CNTN4: variants seen among roughly 807,000 people sequenced by gnomAD.
The protein encoded by CNTN4 is contactin-4.
A neutral mutation model predicts 122.5 loss-of-function variants in CNTN4; 77 were observed. The observed-to-expected ratio is 0.63, with a 90% CI of 0.52 to 0.76. The LOEUF (loss-of-function observed/expected upper bound fraction) is 0.76. CNTN4 is among the 30% of genes least tolerant of loss of function. The pLI is 0.00. For synonymous variants in CNTN4, 512 were observed against 447.0 expected (o/e 1.15, Z -1.83); for missense variants, 1,256 against 1,259.1 (o/e 1.00, Z 0.04).
intron 2 of CNTN4, among the ~76,000 whole-genome samples, chr3:2,287,729 AG>A (rs2041984783): frequency 1.3e-5 from 1 of 77,466 alleles, no homozygotes; most frequent in Non-Finnish European, 2.9e-5. Flanking sequence ...AAGAAGAAGA[AG>A]AAGAAGAAGA....
chr3:2,550,777 A>T (rs2078466622), intron 3 of CNTN4, among the ~76,000 whole-genome samples: 4 of 152,348 alleles, frequency 2.6e-5, no homozygotes, highest in Admixed American at 2.6e-4. Context: ...GCCATAAAAA[A>T]GGATGAGCGT....
chr3:2,442,937 A>T (rs544560944), intron 3 of CNTN4, among the ~76,000 whole-genome samples: 1 of 152,270 alleles, frequency 6.6e-6, no homozygotes, highest in Admixed American at 6.5e-5. Context: ...ATCCTTTTTA[A>T]TAATTTACTT....
At chr3:2,945,244 T>TA (rs879810744) in intron 13 of CNTN4, among the ~76,000 whole-genome samples, 22 of 152,234 alleles carry the variant, frequency 1.4e-4, no homozygotes, top group East Asian at 3.9e-4. Context: ...TCATTATTTT[T>TA]AAAAAAATGT....
At chr3:2,918,311 A>G (rs540918649) in intron 12 of CNTN4, among the ~76,000 whole-genome samples, 3 of 152,350 alleles carry the variant, frequency 2.0e-5, no homozygotes, top group East Asian at 3.9e-4. Flanking sequence ...TATTTGAGCA[A>G]GTAAACTCAA....
intron 3 of CNTN4, among the ~76,000 whole-genome samples, chr3:2,506,731 A>C (rs980975933): frequency 6.6e-6 from 1 of 152,202 alleles, no homozygotes; most frequent in African/African-American, 2.4e-5. Flanking sequence ...AATCATAGAG[A>C]TAGAAAGAAA....
At chr3:2,631,875 A>G (rs1203680701) in intron 4 of CNTN4, among the ~76,000 whole-genome samples, 2 of 132,308 alleles carry the variant, frequency 1.5e-5, no homozygotes, top group Non-Finnish European at 1.5e-5. Flanking sequence ...CAAAAAAAAA[A>G]AAACAAAAAA....
At chr3:2,232,687 A>G (rs1403550397) in intron 2 of CNTN4, among the ~76,000 whole-genome samples, 1 of 152,234 alleles carries the variant, frequency 6.6e-6, no homozygotes, top group Non-Finnish European at 1.5e-5. Flanking sequence ...CCAGGCATTT[A>G]TCAACAGTGT....
chr3:2,812,405 G>A (rs1014314610), intron 6 of CNTN4, among the ~76,000 whole-genome samples: 4 of 50,782 alleles, frequency 7.9e-5, no homozygotes, highest in African/African-American at 3.7e-4. Context: ...CCAGGGTATA[G>A]TGCGTATATC....
intron 3 of CNTN4, among the ~76,000 whole-genome samples, chr3:2,365,697 A>G (rs1296974604): frequency 6.6e-6 from 1 of 152,148 alleles, no homozygotes; most frequent in African/African-American, 2.4e-5. Flanking sequence ...ATATCTTGCA[A>G]TTCTCAGTGT....
chr3:2,429,076 T>G (rs1287375972), intron 3 of CNTN4, among the ~76,000 whole-genome samples: 6 of 152,200 alleles, frequency 3.9e-5, no homozygotes, highest in African/African-American at 1.2e-4. Flanking sequence ...CCTTCTTCTC[T>G]CAACTTGTCA....
chr3:2,165,736 C>T (rs1230543471), intron 2 of CNTN4, among the ~76,000 whole-genome samples: 1 of 151,988 alleles, frequency 6.6e-6, no homozygotes, highest in Non-Finnish European at 1.5e-5. Context: ...TTTTCTGTTT[C>T]TATGGGTTCA....
chr3:2,591,924 G>A (rs2080513486), intron 4 of CNTN4, among the ~76,000 whole-genome samples: 1 of 152,012 alleles, frequency 6.6e-6, no homozygotes, highest in Non-Finnish European at 1.5e-5. Context: ...GTGAGACCAG[G>A]CTGGAGTAAG....
intron 7 of CNTN4, among the ~76,000 whole-genome samples, chr3:2,862,876 G>T (rs2093684939): frequency 6.6e-6 from 1 of 152,106 alleles, no homozygotes; most frequent in African/African-American, 2.4e-5. Flanking sequence ...AATCTCAATT[G>T]TATATTGAGC....
At position 2,535,664 on chromosome 3, in the gene CNTN4, C is replaced by T. The variant is rs185633999; in HGVS notation, c.-88-35752C>T. ...AATCTATTCCTAAGTGCTAAGAGGA[C>T]CCCTGTTTCTTTATGTTAAACCTTA... is the stretch of plus-strand genomic sequence containing the variant. On this transcript the variant is annotated intron_variant, in intron 3 of 24. Coordinates refer to ENST00000418658, the MANE Select transcript of CNTN4 (RefSeq NM_175607.3). 5.3e-5 allele frequency among the ~76,000 whole-genome samples: 8 copies of T among 152,148 alleles called. No homozygotes were observed. The South Asian group carries it at 1.7e-3, about 32-fold the overall frequency.
chr3:2,568,156 C>T (rs910868787), intron 3 of CNTN4, among the ~76,000 whole-genome samples: 2 of 152,004 alleles, frequency 1.3e-5, no homozygotes, highest in Non-Finnish European at 2.9e-5. Context: ...CAAATAAATA[C>T]ATGACCAGGC....
At chr3:2,486,919 A>G (rs369945000) in intron 3 of CNTN4, among the ~76,000 whole-genome samples, 1 of 152,216 alleles carries the variant, frequency 6.6e-6, no homozygotes, top group Non-Finnish European at 1.5e-5. Context: ...ATAAAACAAC[A>G]TATTTATGTT....
At chr3:3,044,898 G>T (rs139311752) in intron 23 of CNTN4, among the ~76,000 whole-genome samples, 3 of 152,306 alleles carry the variant, frequency 2.0e-5, no homozygotes, top group Non-Finnish European at 4.4e-5. Context: ...GGAAGATCAG[G>T]GCACTCCCAC....
chr3:2,500,505 G>T (rs1405974223), intron 3 of CNTN4, among the ~76,000 whole-genome samples: 1 of 151,916 alleles, frequency 6.6e-6, no homozygotes, highest in Non-Finnish European at 1.5e-5. Flanking sequence ...TTTCTAATGA[G>T]AATTCTGCAT....
rs1218741290 is a variant in CNTN4, at chr3:2,401,532, TA to T, written c.-89+62300del. ...TAAATTATTTCACAACTTAAAGCTTTATTTTTTTCTGTAAAATAATCATAGG... is the reference window on the plus strand; with the variant it reads ...TAAATTATTTCACAACTTAAAGCTTTTTTTTTTCTGTAAAATAATCATAGG... On this transcript the variant is annotated intron_variant, in intron 3 of 24. Coordinates refer to ENST00000418658, the MANE Select transcript of CNTN4 (RefSeq NM_175607.3). 3.9e-5 allele frequency among the ~76,000 whole-genome samples: 6 copies of T among 152,306 alleles called. No individual in the cohort carries two copies. The South Asian group carries it at 8.3e-4, about 21-fold the overall frequency.
Sources: gnomAD v4.1 joint callset for allele counts (sites outside exome capture counted in the v4.1 genomes callset) on GRCh38, gnomAD v4.1.1 for gene constraint, MANE v1.5 for transcripts, NCBI Gene and HGNC (gene_info 2026-07-23, HGNC 2026-07-21) for gene names.